Variants in DBP observed in about 807,000 individuals in gnomAD.
DBP encodes D site-binding protein.
In DBP, 12 loss-of-function variants were observed where a neutral mutation model predicts 21.4. That is an observed-to-expected ratio of 0.56 (90% CI 0.36 to 0.91). The LOEUF is 0.91. Ranked by LOEUF, DBP falls within the 40% of genes least tolerant of loss-of-function variation. The probability of loss-of-function intolerance (pLI) is 0.01; values close to 1 mark genes in which losing one functional copy is unlikely to be tolerated. For missense variants in DBP, 423 were observed against 473.4 expected (o/e 0.89, Z 0.99); for synonymous variants, 213 against 224.9 (o/e 0.95, Z 0.47).
At position 48,630,237 on chromosome 19, in the gene DBP, G is replaced by A. The variant is rs2030494183; in HGVS notation, c.*600C>T. 7.8e-7 allele frequency: 1 copy of A among 1,277,926 alleles called. No individual in the cohort carries two copies. The highest frequency in any genetic ancestry group is 9.9e-7 in the Non-Finnish European group (1 of 1,012,732). 79.2% of individuals were successfully genotyped at this position (1,277,926 alleles called of 1,614,324 possible). On this transcript the variant is annotated 3_prime_UTR_variant, in exon 4 of 4. Transcript: ENST00000222122. This position sits in a 1 kb window ranked among gnomAD's most constrained non-coding sequence, Gnocchi z 4.9. Reference sequence around the variant, plus strand: ...TTTAGCTGGCCAATCAGCCCAGGAGGGGCAGGTTCCCCGGGGCCGGCGCTA... The same window carrying A: ...TTTAGCTGGCCAATCAGCCCAGGAGAGGCAGGTTCCCCGGGGCCGGCGCTA...
chr19:48,636,928 G>T lies in DBP; in HGVS notation c.67C>A (p.Pro23Thr). ...AACCCAAGCAGCGCTCCCCCGCCAG[G>T]GGGTGTCCCGGCCGGGCCGCCCAGC... Reference protein sequence around the residue: ...LLLGGPAGTPPGGGALLGLRS... With the variant: ...LLLGGPAGTPTGGGALLGLRS... Residue 23 changes from proline (P) to threonine (T), a missense_variant, in exon 1 of 4, where the codon CCT becomes ACT. By Grantham distance (38) the Pro-to-Thr change is conservative. Coordinates refer to ENST00000222122, the MANE Select transcript of DBP (RefSeq NM_001352.5). The T allele has an allele frequency of 1.9e-6, 3 of 1,587,168 alleles. No individual in the cohort carries two copies. Among genetic ancestry groups the T allele is most frequent in the Non-Finnish European group, 2.6e-6 (3 of 1,167,802 alleles).
rs1231520058 is a variant in DBP at position 48,631,193 on chromosome 19, C to T, written c.763-141G>A. ...ACCCAAGGGTCTGCCTTTCTAGGGC[C>T]CTGGTTGCTAAGGAGATTGGGCCCC... On this transcript the variant is annotated intron_variant, in intron 3 of 3. Transcript: ENST00000222122. 7.1e-6 allele frequency: 5 copies of T among 701,256 alleles called. No homozygotes were observed. The African/African-American group carries it at 9.0e-5, about 13-fold the overall frequency. 43.4% of individuals were successfully genotyped at this position (701,256 alleles called of 1,614,324 possible).
In DBP at chr19:48,630,923, G is replaced by A; in HGVS notation, c.892C>T (p.Arg298Trp). The A allele has an allele frequency of 6.2e-7, 1 of 1,610,690 alleles. No individual in the cohort carries two copies. The highest frequency in any genetic ancestry group is 8.5e-7 in the Non-Finnish European group (1 of 1,178,784). Residue 298 changes from arginine to tryptophan, a missense_variant, in exon 4 of 4, where the codon CGG becomes TGG. Physicochemically the swap from Arg to Trp is moderately radical, Grantham distance 101. This residue lies in a region of DBP where 30 missense variants were observed against 70.9 expected (regional missense o/e 0.42). Coordinates refer to ENST00000222122, the MANE Select transcript of DBP (RefSeq NM_001352.5). This position sits in a 1 kb window ranked among gnomAD's most constrained non-coding sequence, Gnocchi z 4.9. ...AFLEKENALL[R>W]QEVVAVRQEL... Reference sequence around the variant, plus strand: ...TGGCGCACGGCCACAACTTCCTGCCGCAGCAGGGCGTTCTCCTTCTCCAGG... The same window carrying A: ...TGGCGCACGGCCACAACTTCCTGCCACAGCAGGGCGTTCTCCTTCTCCAGG...
At chr19:48,635,083 C>G in intron 2 of DBP, 2 of 987,274 alleles carry the variant, frequency 2.0e-6, no homozygotes, top group Non-Finnish European at 2.4e-6. Flanking sequence ...TGCAGCACGC[C>G]CCACTGGGGG....
At position 48,630,257 on chromosome 19, in the gene DBP, G is replaced by A; in HGVS notation, c.*580C>T. On this transcript the variant is annotated 3_prime_UTR_variant, in exon 4 of 4. Transcript: ENST00000222122. This position sits in a 1 kb window ranked among gnomAD's most constrained non-coding sequence, Gnocchi z 4.9. ...AGGAGGGGCAGGTTCCCCGGGGCCG[G>A]CGCTAGGATTTGCACTAATGTTCCT... The A allele has an allele frequency of 7.8e-7, 1 of 1,283,196 alleles. No homozygotes were observed. The highest frequency in any genetic ancestry group is 2.7e-5 in the South Asian group (1 of 36,910). The allele number at this position is 1,283,196 out of a possible 1,614,324, so 79.5% of individuals were successfully genotyped here. A position where few individuals can be genotyped will look rare whatever the true frequency, so the allele number is the denominator to read the frequency against.
rs1165339257 is a variant in DBP, at chr19:48,633,843, G to C, written c.551-188C>G. 9 of 602,202 alleles carry C rather than the reference G, an allele frequency of 1.5e-5. No individual in the cohort carries two copies. In the Admixed American group the frequency reaches 2.1e-4, roughly 14 times the overall value. 37.3% of individuals were successfully genotyped at this position (602,202 alleles called of 1,614,324 possible). On this transcript the variant is annotated intron_variant, in intron 2 of 3. Coordinates refer to ENST00000222122, the MANE Select transcript of DBP (RefSeq NM_001352.5). Reference sequence around the variant, plus strand: ...TGGCCAGGCGCAGTGGCTCACGCCTGTAACCCCAGCAGTTTGGGAAGCCGA... The same window carrying C: ...TGGCCAGGCGCAGTGGCTCACGCCTCTAACCCCAGCAGTTTGGGAAGCCGA...
In DBP at chr19:48,636,976, C is replaced by G. The variant is rs370768785; in HGVS notation, c.19G>C (p.Asp7His). Reference sequence around the variant, plus strand: ...AGCAGCAGAGGGGCCGGGGTCCTGTCGCTCACAGGCCGCGCCATCGCCTGG... The same window carrying G: ...AGCAGCAGAGGGGCCGGGGTCCTGTGGCTCACAGGCCGCGCCATCGCCTGG... MARPVS[D>H]RTPAPLLLGG... The change falls in exon 1 of 4, where the codon GAC becomes CAC. Residue 7 changes from aspartate (D) to histidine (H), a missense_variant. Physicochemically the swap from Asp to His is moderately conservative, Grantham distance 81 (BLOSUM62 -1). Transcript: ENST00000222122. The G allele has an allele frequency of 4.6e-6, 7 of 1,512,172 alleles. No individual in the cohort carries two copies. In the Admixed American group the frequency reaches 1.3e-4, roughly 29 times the overall value. The allele number at this position is 1,512,172 out of a possible 1,614,324, so 93.7% of individuals were successfully genotyped here.
chr19:48,631,159 G>T, intron 3 of DBP, 107 bp from the exon 4 acceptor site: 1 of 972,936 alleles, frequency 1.0e-6, no homozygotes, highest in Non-Finnish European at 1.5e-6. Context: ...GGTCTCTGCT[G>T]GGATAGGTAC....
Position 48,630,379 on chromosome 19 carries a change from A to G in DBP, c.*458T>C, listed in dbSNP as rs1019602962. ...AAAAGCAATTGAAAAGGTCTATGCAATAAAGGCAGTCGCTTCATTCCTCTC... is the reference window on the plus strand; with the variant it reads ...AAAAGCAATTGAAAAGGTCTATGCAGTAAAGGCAGTCGCTTCATTCCTCTC... On this transcript the variant is annotated 3_prime_UTR_variant, in exon 4 of 4. Coordinates refer to ENST00000222122, the MANE Select transcript of DBP (RefSeq NM_001352.5). The surrounding 1 kb of genome is among the most constrained non-coding windows in gnomAD (Gnocchi z 4.9). The G allele has an allele frequency of 1.5e-6, 2 of 1,375,188 alleles. No homozygotes were observed. The highest frequency in any genetic ancestry group is 1.5e-5 in the African/African-American group (1 of 67,316). The allele number at this position is 1,375,188 out of a possible 1,614,324, so 85.2% of individuals were successfully genotyped here. A position where few individuals can be genotyped will look rare whatever the true frequency, so the allele number is the denominator to read the frequency against.
Position 48,630,122 on chromosome 19 carries a change from A to G in DBP, c.*715T>C, listed in dbSNP as rs1020009088. 1.6e-6 allele frequency: 2 copies of G among 1,255,086 alleles called. No homozygotes were observed. Among genetic ancestry groups the G allele is most frequent in the South Asian group, 2.9e-5 (1 of 34,530 alleles). The allele number at this position is 1,255,086 out of a possible 1,614,324, so 77.7% of individuals were successfully genotyped here. A position where few individuals can be genotyped will look rare whatever the true frequency, so the allele number is the denominator to read the frequency against. ...AGTCTATTTTACGCGTCGCCCAATG[A>G]CAGGACCTGGAATGTACTGGCTGGG... On this transcript the variant is annotated 3_prime_UTR_variant, in exon 4 of 4. Coordinates refer to ENST00000222122, the MANE Select transcript of DBP (RefSeq NM_001352.5). This position sits in a 1 kb window ranked among gnomAD's most constrained non-coding sequence, Gnocchi z 4.9.
Position 48,637,074 on chromosome 19 carries a change from G to A in DBP, c.-80C>T. ...TGCCAGTCACCAGCACACTCCAGTGGTTTGGACGAGTGTCTGCCCAGGGGC... is the reference window on the plus strand; with the variant it reads ...TGCCAGTCACCAGCACACTCCAGTGATTTGGACGAGTGTCTGCCCAGGGGC... On this transcript the variant is annotated 5_prime_UTR_variant, in exon 1 of 4. Coordinates refer to ENST00000222122, the MANE Select transcript of DBP (RefSeq NM_001352.5). The A allele has an allele frequency of 7.7e-7, 1 of 1,295,916 alleles. No individual in the cohort carries two copies. The highest frequency in any genetic ancestry group is 1.0e-6 in the Non-Finnish European group (1 of 979,166). The allele number at this position is 1,295,916 out of a possible 1,614,324, so 80.3% of individuals were successfully genotyped here.
chr19:48,636,848 G>GAACTCACAGCTGGCCGGCTCTTTGGGC lies in DBP; in HGVS notation c.120_139+7dup. 6.2e-7 allele frequency: 1 copy of GAACTCACAGCTGGCCGGCTCTTTGGGC among 1,611,134 alleles called. No homozygotes were observed. The highest frequency in any genetic ancestry group is 8.5e-7 in the Non-Finnish European group (1 of 1,179,028). On this transcript the variant is annotated splice_region_variant and intron_variant, in intron 1 of 3. Coordinates refer to ENST00000222122, the MANE Select transcript of DBP (RefSeq NM_001352.5). ...TCCGAAGTGGGTGAGATGGGGGTTA[G>GAACTCACAGCTGGCCGGCTCTTTGGGC]AACTCACAGCTGGCCGGCTCTTTGG... is the stretch of plus-strand genomic sequence containing the variant.
At chr19:48,631,102 C>T in intron 3 of DBP, 50 bp from the exon 4 acceptor site, 2 of 1,541,492 alleles carry the variant, frequency 1.3e-6, no homozygotes, top group South Asian at 2.3e-5. Context: ...ACCCAGGTCC[C>T]AGCGAGAGAG....
intron 3 of DBP, chr19:48,631,827 G>A (rs912286019): frequency 4.6e-5 from 7 of 152,088 alleles, no homozygotes; most frequent in Non-Finnish European, 2.9e-5. Context: ...TTTAATTAAA[G>A]CCCAGTTCCT....
intron 2 of DBP, chr19:48,634,725 G>C (rs2030720858): frequency 1.0e-6 from 1 of 985,568 alleles, no homozygotes; most frequent in Non-Finnish European, 1.2e-6. Context: ...CCGCTGGGAA[G>C]GGTAGGGCCC....
rs1322433944 is a variant in DBP at position 48,636,848 on chromosome 19, G to A, written c.139+8C>T. The A allele has an allele frequency of 6.2e-7, 1 of 1,611,016 alleles. No individual in the cohort carries two copies. Among genetic ancestry groups the A allele is most frequent in the African/African-American group, 1.3e-5 (1 of 74,804 alleles). On this transcript the variant is annotated splice_region_variant and intron_variant, in intron 1 of 3. Transcript: ENST00000222122. ...TCCGAAGTGGGTGAGATGGGGGTTA[G>A]AACTCACAGCTGGCCGGCTCTTTGG...
At chr19:48,634,788 C>T (rs1439541918) in intron 2 of DBP, 1 of 985,484 alleles carries the variant, frequency 1.0e-6, no homozygotes, top group African/African-American at 1.7e-5. Flanking sequence ...AATCCCCGAC[C>T]TGCAGTCCGT....
Position 48,630,537 on chromosome 19 carries a change from C to T in DBP, c.*300G>A, listed in dbSNP as rs2030525956. 2 of 1,535,118 alleles carry T rather than the reference C, an allele frequency of 1.3e-6. No individual in the cohort carries two copies. Among genetic ancestry groups the T allele is most frequent in the South Asian group, 1.2e-5 (1 of 83,936 alleles). Reference sequence around the variant, plus strand: ...TGCAGCCAGTATGCCAGGGAGCTGCCCTCTTCTTCCACAACAGCTGGCTCT... The same window carrying T: ...TGCAGCCAGTATGCCAGGGAGCTGCTCTCTTCTTCCACAACAGCTGGCTCT... On this transcript the variant is annotated 3_prime_UTR_variant, in exon 4 of 4. Transcript: ENST00000222122. The surrounding 1 kb of genome is among the most constrained non-coding windows in gnomAD (Gnocchi z 4.9).
Position 48,630,251 on chromosome 19 carries a change from G to C in DBP, c.*586C>G. Reference sequence around the variant, plus strand: ...CAGCCCAGGAGGGGCAGGTTCCCCGGGGCCGGCGCTAGGATTTGCACTAAT... The same window carrying C: ...CAGCCCAGGAGGGGCAGGTTCCCCGCGGCCGGCGCTAGGATTTGCACTAAT... On this transcript the variant is annotated 3_prime_UTR_variant, in exon 4 of 4. Coordinates refer to ENST00000222122, the MANE Select transcript of DBP (RefSeq NM_001352.5). The surrounding 1 kb of genome is among the most constrained non-coding windows in gnomAD (Gnocchi z 4.9). 7 of 1,277,638 alleles carry C rather than the reference G, an allele frequency of 5.5e-6. No individual in the cohort carries two copies. Among genetic ancestry groups the C allele is most frequent in the Non-Finnish European group, 6.9e-6 (7 of 1,012,578 alleles). 79.1% of individuals were successfully genotyped at this position (1,277,638 alleles called of 1,614,324 possible). A position where few individuals can be genotyped will look rare whatever the true frequency, so the allele number is the denominator to read the frequency against.
Sources: allele counts gnomAD v4.1 joint callset, GRCh38; gene constraint gnomAD v4.1.1; regional missense constraint gnomAD v4.1.1; non-coding constraint Gnocchi (gnomAD v3.1); transcripts MANE v1.5; gene names NCBI Gene and HGNC (gene_info 2026-07-23, HGNC 2026-07-21).